RBFOX3: variants seen among roughly 807,000 people sequenced by gnomAD.
RBFOX3 encodes the protein RNA binding fox-1 homolog 3.
RBFOX3 carries 17 observed loss-of-function variants against 48.7 expected under a neutral mutation model. The observed-to-expected ratio is 0.35, with a 90% CI of 0.24 to 0.52. RBFOX3 has a LOEUF of 0.52. RBFOX3 is among the 20% of genes least tolerant of loss of function. The pLI, the probability that RBFOX3 is intolerant of heterozygous loss-of-function variation, is 0.94. For synonymous variants in RBFOX3, 212 were observed against 209.5 expected (o/e 1.01, Z -0.10); for missense variants, 382 against 497.5 (o/e 0.77, Z 2.21).
intron 2 of RBFOX3, among the ~76,000 whole-genome samples, chr17:79,342,398 GTC>G (rs918637145): frequency 3.3e-5 from 5 of 152,080 alleles, no homozygotes; most frequent in Admixed American, 3.3e-4. Context: ...CAGAGTCGAA[GTC>G]TCTCTCTCTC....
chr17:79,391,566 G>A lies in RBFOX3; in HGVS notation c.-174-83742C>T, dbSNP rs1233137404. Among the ~76,000 whole-genome samples the A allele has an allele frequency of 6.6e-6, 1 of 152,222 alleles. No individual in the cohort carries two copies. Among genetic ancestry groups the A allele is most frequent in the African/African-American group, 2.4e-5 (1 of 41,448 alleles). ...CTCACCCGAAACCAACCTCACAGGT[G>A]CTGATTCACTTTTAGGAATTAGGAA... On this transcript the variant is annotated intron_variant, in intron 2 of 14. Transcript: ENST00000693108. This position sits in a 1 kb window ranked among gnomAD's most constrained non-coding sequence, Gnocchi z 5.0.
chr17:79,096,539 G>T, intron 12 of RBFOX3, 114 bp downstream of exon 12: 1 of 925,952 alleles, frequency 1.1e-6, no homozygotes, highest in Non-Finnish European at 1.6e-6. Flanking sequence ...CTGGCTTCAA[G>T]GGTGGGATGG....
intron 1 of RBFOX3, among the ~76,000 whole-genome samples, chr17:79,507,314 C>T (rs2083304562): frequency 1.3e-5 from 2 of 152,320 alleles, no homozygotes; most frequent in South Asian, 4.1e-4. Context: ...CAGTCACCCC[C>T]TGAAGACCCC....
the RBFOX3 span, among the ~76,000 whole-genome samples, chr17:79,650,461 T>C: frequency 4.6e-5 from 7 of 151,880 alleles, no homozygotes; most frequent in African/African-American, 7.2e-5. Flanking sequence ...GGGGTTCTCA[T>C]AAGGATTCTG....
At position 79,089,412 on chromosome 17, in the gene RBFOX3, T is replaced by C. The variant is rs558830986; in HGVS notation, c.*1471A>G. On this transcript the variant is annotated 3_prime_UTR_variant, in exon 15 of 15. Transcript: ENST00000693108. ...TACTGTTAGTTTGAATGGTCACACC[T>C]TGGAAGCATACAGAATGGTAAGAAA... is the stretch of plus-strand genomic sequence containing the variant. 1 of 152,744 alleles carries C rather than the reference T, an allele frequency of 6.5e-6. No individual in the cohort carries two copies. The highest frequency in any genetic ancestry group is 2.1e-4 in the South Asian group (1 of 4,830). The allele number at this position is 152,744 out of a possible 1,614,324, so 9.5% of individuals were successfully genotyped here. A position where few individuals can be genotyped will look rare whatever the true frequency, so the allele number is the denominator to read the frequency against.
intron 3 of RBFOX3, among the ~76,000 whole-genome samples, chr17:79,303,218 T>A (rs1374567016): frequency 2.0e-5 from 3 of 152,212 alleles, no homozygotes; most frequent in Admixed American, 1.3e-4. Context: ...AAATAGTCCA[T>A]TTATGCTATG....
At chr17:79,273,564 G>A (rs1376514445) in intron 3 of RBFOX3, among the ~76,000 whole-genome samples, 1 of 138,812 alleles carries the variant, frequency 7.2e-6, no homozygotes, top group Admixed American at 7.5e-5. Context: ...GGTAAACAGT[G>A]CTCTGGGGGG....
rs573291191 is a variant in RBFOX3, at chr17:79,138,305, CTGTG to C, written c.-33-22561_-33-22558del. Among the ~76,000 whole-genome samples the C allele has an allele frequency of 6.3e-3, 956 of 152,280 alleles. 9 individuals carry two copies. The highest frequency in any genetic ancestry group is 0.027 in the Middle Eastern group (8 of 294). ...CATACACACAGTACACACTCGCACA[CTGTG>C]TGGACTCACCCGAGCACGCTCGTGT... On this transcript the variant is annotated intron_variant, in intron 4 of 14. Transcript: ENST00000693108.
chr17:79,174,320 GCA>G (rs112373759), intron 4 of RBFOX3, among the ~76,000 whole-genome samples: 8 of 148,220 alleles, frequency 5.4e-5, no homozygotes, highest in South Asian at 2.2e-4. Context: ...TCACTCACAT[GCA>G]CACAGACACA....
chr17:79,349,729 C>T (rs2083536768), intron 2 of RBFOX3, among the ~76,000 whole-genome samples: 1 of 152,104 alleles, frequency 6.6e-6, no homozygotes, highest in African/African-American at 2.4e-5. Context: ...ACCGTCACAG[C>T]TCAACAAAGA....
the RBFOX3 span, among the ~76,000 whole-genome samples, chr17:79,654,642 A>T: frequency 1.3e-5 from 2 of 152,330 alleles, no homozygotes; most frequent in South Asian, 4.1e-4. Flanking sequence ...TAACAAAATG[A>T]CCTGATTTCC....
rs887885246 is a variant in RBFOX3 at position 79,607,022 on chromosome 17, G to A, written c.-320+3804C>T. On this transcript the variant is annotated intron_variant, in intron 1 of 14. Coordinates refer to ENST00000693108, the MANE Select transcript of RBFOX3 (RefSeq NM_001350451.2). ...AGAAAGTAAGATGTTGAGGCTGCCT[G>A]AATGTTTCATGAGCCTGTGAAAATA... Among the ~76,000 whole-genome samples the A allele has an allele frequency of 2.0e-5, 3 of 152,320 alleles. No individual in the cohort carries two copies. In the South Asian group the frequency reaches 6.2e-4, roughly 32 times the overall value.
At position 79,115,701 on chromosome 17, in the gene RBFOX3, G is replaced by GGGGGGT; in HGVS notation, c.14_15insACCCCC (p.Tyr5delinsTer). On this transcript the variant is annotated stop_gained, in exon 5 of 15. Coordinates refer to ENST00000693108, the MANE Select transcript of RBFOX3 (RefSeq NM_001350451.2). LOFTEE classifies it high-confidence loss of function. ...GCGGAGGGGGGTACTGGGCGGGGGGGTAGGGCTGGGCCATCGCTTCAGGCG... is the reference window on the plus strand; with the variant it reads ...GCGGAGGGGGGTACTGGGCGGGGGGGGGGGGTTAGGGCTGGGCCATCGCTTCAGGCG... The GGGGGGT allele has an allele frequency of 2.4e-6, 1 of 415,914 alleles. No individual in the cohort carries two copies. Among genetic ancestry groups the GGGGGGT allele is most frequent in the Admixed American group, 3.3e-5 (1 of 30,040 alleles). The allele number at this position is 415,914 out of a possible 1,614,324, so 25.8% of individuals were successfully genotyped here.
chr17:79,485,691 C>A (rs1035731027), intron 1 of RBFOX3, among the ~76,000 whole-genome samples: 1 of 152,218 alleles, frequency 6.6e-6, no homozygotes, highest in African/African-American at 2.4e-5. Flanking sequence ...TGTCTGCAGC[C>A]GCCGGCTTAG....
At chr17:79,155,579 C>T (rs866978691) in intron 4 of RBFOX3, among the ~76,000 whole-genome samples, 2 of 152,196 alleles carry the variant, frequency 1.3e-5, no homozygotes, top group East Asian at 1.9e-4. Flanking sequence ...GCCCGGAGGG[C>T]CACAGCTGGG....
intron 2 of RBFOX3, among the ~76,000 whole-genome samples, chr17:79,340,517 C>T (rs1015005204): frequency 2.0e-5 from 3 of 152,136 alleles, no homozygotes; most frequent in Non-Finnish European, 4.4e-5. Context: ...CCCTCCACAC[C>T]TCCCCAGCTG....
intron 2 of RBFOX3, among the ~76,000 whole-genome samples, chr17:79,378,716 G>T (rs532341596): frequency 6.6e-6 from 1 of 152,344 alleles, no homozygotes; most frequent in East Asian, 1.9e-4. Flanking sequence ...CCATGTTAAT[G>T]CAGCTACTTC....
intron 1 of RBFOX3, chr17:79,601,017 A>G (rs1332961187): frequency 3.3e-5 from 5 of 152,350 alleles, no homozygotes; most frequent in African/African-American, 1.2e-4. Flanking sequence ...CAGCAGGAGA[A>G]AGCAAGCAGC....
At chr17:79,168,298 T>A (rs1319409442) in intron 4 of RBFOX3, among the ~76,000 whole-genome samples, 1 of 152,198 alleles carries the variant, frequency 6.6e-6, no homozygotes, top group Non-Finnish European at 1.5e-5. Context: ...AACCCTAAAT[T>A]AAAATAAATC....
Sources: gnomAD v4.1 joint callset for allele counts (sites outside exome capture counted in the v4.1 genomes callset) on GRCh38, gnomAD v4.1.1 for gene constraint, Gnocchi (gnomAD v3.1) non-coding constraint, MANE v1.5 for transcripts, NCBI Gene and HGNC (gene_info 2026-07-23, HGNC 2026-07-21) for gene names.